The following CMIP variants were observed in gnomAD, a reference collection of about 807,000 sequenced individuals.
The protein encoded by CMIP is C-Maf-inducing protein.
Under a neutral mutation model 97.3 loss-of-function variants are expected in CMIP, and 13 were observed. That is an observed-to-expected ratio of 0.13 (90% confidence interval 0.09 to 0.21). CMIP has a LOEUF of 0.21. Among genes scored for constraint, CMIP ranks in the 10% least tolerant of loss-of-function variants. CMIP has a pLI of 1.00. For synonymous variants in CMIP, 538 were observed against 436.3 expected (o/e 1.23, Z -2.91); for missense variants, 847 against 1,024.9 (o/e 0.83, Z 2.37).
chr16:81,501,518 A>G (rs1267753554), intron 1 of CMIP, among the ~76,000 whole-genome samples: 1 of 152,090 alleles, frequency 6.6e-6, no homozygotes, highest in East Asian at 1.9e-4. Flanking sequence ...TGGGGAGAGA[A>G]AATGCGGTAG....
chr16:81,680,212 C>T (rs1449408580), intron 10 of CMIP, among the ~76,000 whole-genome samples: 1 of 152,204 alleles, frequency 6.6e-6, no homozygotes, highest in Admixed American at 6.5e-5. Context: ...GGTGGGGTTT[C>T]CCTGAGCCCC....
At chr16:81,484,233 A>G (rs1014268185) in intron 1 of CMIP, among the ~76,000 whole-genome samples, 7 of 152,164 alleles carry the variant, frequency 4.6e-5, no homozygotes, top group African/African-American at 1.7e-4. Flanking sequence ...TCCTTCTGGC[A>G]AAGTCAGATT....
chr16:81,523,450 G>A (rs982538775), intron 1 of CMIP, among the ~76,000 whole-genome samples: 11 of 152,284 alleles, frequency 7.2e-5, no homozygotes, highest in African/African-American at 2.4e-4. Context: ...TCACACGGCC[G>A]CAAGGTGGGT....
intron 1 of CMIP, among the ~76,000 whole-genome samples, chr16:81,527,730 A>C (rs978611494): frequency 6.6e-6 from 1 of 152,206 alleles, no homozygotes; most frequent in Non-Finnish European, 1.5e-5. Flanking sequence ...CTTTGGCTCC[A>C]CATGTGTTTG....
chr16:81,692,222 G>A (rs1214785461), intron 11 of CMIP, among the ~76,000 whole-genome samples: 1 of 152,224 alleles, frequency 6.6e-6, no homozygotes, highest in Non-Finnish European at 1.5e-5. Context: ...GCGATAGTAA[G>A]AATCAAAAGA....
intron 1 of CMIP, among the ~76,000 whole-genome samples, chr16:81,461,619 A>G (rs981463020): frequency 1.3e-5 from 2 of 152,146 alleles, no homozygotes; most frequent in African/African-American, 4.8e-5. Flanking sequence ...ATGACCCTCA[A>G]GGGAGCCAGT....
intron 1 of CMIP, among the ~76,000 whole-genome samples, chr16:81,603,732 A>C (rs1218575947): frequency 1.3e-5 from 2 of 152,172 alleles, no homozygotes; most frequent in Non-Finnish European, 2.9e-5. Flanking sequence ...AGTTTTGAGG[A>C]AAGTCCCTCA....
intron 1 of CMIP, among the ~76,000 whole-genome samples, chr16:81,540,756 C>T (rs777535477): frequency 2.0e-5 from 3 of 151,728 alleles, no homozygotes; most frequent in East Asian, 1.9e-4. Context: ...TCTCGGCTTA[C>T]TGCAGCCTCC....
intron 3 of CMIP, among the ~76,000 whole-genome samples, chr16:81,647,992 G>A (rs2092384678): frequency 1.5e-5 from 1 of 64,820 alleles, no homozygotes; most frequent in South Asian, 7.3e-4. Context: ...CACACCCGCA[G>A]AGCCGTAGCC....
intron 1 of CMIP, among the ~76,000 whole-genome samples, chr16:81,501,594 GT>G (rs1483884276): frequency 6.6e-6 from 1 of 151,202 alleles, no homozygotes; most frequent in African/African-American, 2.4e-5. Context: ...TGATGCTTAG[GT>G]TTGACTCTGG....
chr16:81,597,400 C>T (rs1484186976), intron 1 of CMIP, among the ~76,000 whole-genome samples: 4 of 152,156 alleles, frequency 2.6e-5, no homozygotes, highest in African/African-American at 9.7e-5. Context: ...GCGTGAAGTC[C>T]AAAGGTCTTG....
At chr16:81,486,484 G>A (rs1350701898) in intron 1 of CMIP, among the ~76,000 whole-genome samples, 2 of 152,106 alleles carry the variant, frequency 1.3e-5, no homozygotes, top group Non-Finnish European at 2.9e-5. Flanking sequence ...ATTGCACTTC[G>A]GGTCCTCGCT....
intron 1 of CMIP, among the ~76,000 whole-genome samples, chr16:81,499,517 C>A (rs2089556141): frequency 6.6e-6 from 1 of 152,240 alleles, no homozygotes; most frequent in Non-Finnish European, 1.5e-5. Flanking sequence ...CCTGGCTGAG[C>A]TGTCTCCTCA....
intron 3 of CMIP, among the ~76,000 whole-genome samples, chr16:81,635,062 C>T (rs140960057): frequency 7.9e-5 from 12 of 152,336 alleles, no homozygotes; most frequent in African/African-American, 2.6e-4. Context: ...CCGCCTCCCA[C>T]ACCACAGAGG....
chr16:81,567,174 C>T (rs2090997660), intron 1 of CMIP, among the ~76,000 whole-genome samples: 1 of 152,278 alleles, frequency 6.6e-6, no homozygotes, highest in Non-Finnish European at 1.5e-5. Flanking sequence ...ATGTGTCCGG[C>T]TGGGAGGAAT....
At chr16:81,479,729 T>C (rs1306736712) in intron 1 of CMIP, among the ~76,000 whole-genome samples, 1 of 152,198 alleles carries the variant, frequency 6.6e-6, no homozygotes, top group African/African-American at 2.4e-5. Context: ...ACCACCTCTG[T>C]CTAGTTCCAA....
At chr16:81,554,742 A>G (rs188901305) in intron 1 of CMIP, among the ~76,000 whole-genome samples, 40 of 152,254 alleles carry the variant, frequency 2.6e-4, no homozygotes, top group African/African-American at 9.4e-4. Context: ...TCTGGGCCTC[A>G]GTTCTTTGTC....
chr16:81,577,189 C>T (rs530537052), intron 1 of CMIP, among the ~76,000 whole-genome samples: 1 of 146,328 alleles, frequency 6.8e-6, no homozygotes, highest in South Asian at 2.1e-4. Context: ...TCACCATCAC[C>T]ATCATCACCA....
chr16:81,550,410 G>T (rs967266789), intron 1 of CMIP, among the ~76,000 whole-genome samples: 39 of 152,216 alleles, frequency 2.6e-4, no homozygotes, highest in Non-Finnish European at 1.5e-5. Flanking sequence ...GGGAAGGTCT[G>T]GCCCTGTCCA....
Sources: gnomAD v4.1 joint callset for allele counts (sites outside exome capture counted in the v4.1 genomes callset) on GRCh38, gnomAD v4.1.1 for gene constraint, MANE v1.5 for transcripts, NCBI Gene and HGNC (gene_info 2026-07-23, HGNC 2026-07-21) for gene names.